The following FNDC3B variants were observed in gnomAD, a reference collection of about 807,000 sequenced individuals.
FNDC3B encodes fibronectin type III domain containing 3B, also known as fibronectin type III domain-containing protein 3B.
FNDC3B carries 12 observed loss-of-function variants against 151.5 expected under a neutral mutation model. The ratio of observed to expected loss-of-function variants is 0.08; its 90% CI spans 0.05 to 0.13. FNDC3B has a LOEUF of 0.13. Ranked by LOEUF, FNDC3B falls within the 10% of genes least tolerant of loss-of-function variation. FNDC3B has a pLI of 1.00. For synonymous variants in FNDC3B, 528 were observed against 549.0 expected (o/e 0.96, Z 0.54); for missense variants, 1,214 against 1,505.3 (o/e 0.81, Z 3.20).
intron 9 of FNDC3B, among the ~76,000 whole-genome samples, chr3:172,299,296 C>T (rs1297079015): frequency 6.6e-6 from 1 of 152,236 alleles, no homozygotes; most frequent in East Asian, 1.9e-4. Flanking sequence ...AACAGTTAAC[C>T]CATGTGGCAT....
At chr3:172,272,721 T>C (rs1560051052) in intron 6 of FNDC3B, among the ~76,000 whole-genome samples, 1 of 152,230 alleles carries the variant, frequency 6.6e-6, no homozygotes, top group African/African-American at 2.4e-5. Context: ...TAGTCTCTTT[T>C]CTCATTTCCT....
At chr3:172,136,812 C>T (rs551193007) in intron 3 of FNDC3B, among the ~76,000 whole-genome samples, 296 of 152,220 alleles carry the variant, frequency 1.9e-3, no homozygotes, top group African/African-American at 6.4e-3. Flanking sequence ...CACCGCCTCC[C>T]GGGTTCAAGC....
rs147952453 is a variant in FNDC3B at position 172,200,738 on chromosome 3, T to C, written c.188-26133T>C. Among the ~76,000 whole-genome samples, 51 of 152,264 alleles carry C rather than the reference T, an allele frequency of 3.3e-4. No homozygotes were observed. In the East Asian group the frequency reaches 9.7e-3, roughly 29 times the overall value. On this transcript the variant is annotated intron_variant, in intron 3 of 25. Transcript: ENST00000415807. ...AACCCCCCTCTTAAGTGGAGGAGCA[T>C]CTGTAATTGTTTTTGTCATTTGAGC... is the stretch of plus-strand genomic sequence containing the variant.
intron 23 of FNDC3B, among the ~76,000 whole-genome samples, chr3:172,371,529 G>A (rs191235485): frequency 7.2e-5 from 11 of 152,286 alleles, no homozygotes; most frequent in Admixed American, 7.2e-4. Context: ...AACAAGTTAT[G>A]GGCAGAGCCA....
At chr3:172,373,073 C>T (rs182184073) in intron 23 of FNDC3B, among the ~76,000 whole-genome samples, 1 of 152,254 alleles carries the variant, frequency 6.6e-6, no homozygotes, top group East Asian at 1.9e-4. Flanking sequence ...TTCTCAGCAG[C>T]CTAGAGCAGG....
intron 3 of FNDC3B, among the ~76,000 whole-genome samples, chr3:172,160,023 G>C (rs993447331): frequency 1.3e-5 from 2 of 152,174 alleles, no homozygotes; most frequent in Non-Finnish European, 2.9e-5. Flanking sequence ...GAAGGTGGGG[G>C]AGGCCGGCAG....
intron 14 of FNDC3B, among the ~76,000 whole-genome samples, chr3:172,333,766 C>T (rs1454166405): frequency 1.3e-5 from 2 of 152,168 alleles, no homozygotes; most frequent in African/African-American, 2.4e-5. Context: ...TGCTGGAGTG[C>T]ACCTGTCACT....
chr3:172,366,756 CT>C (rs1403397068), intron 23 of FNDC3B, among the ~76,000 whole-genome samples: 25 of 152,132 alleles, frequency 1.6e-4, no homozygotes, highest in African/African-American at 5.1e-4. Context: ...ATGAACACTT[CT>C]TAGAAAAGAT....
At chr3:172,160,913 C>T (rs1722734216) in intron 3 of FNDC3B, among the ~76,000 whole-genome samples, 1 of 152,026 alleles carries the variant, frequency 6.6e-6, no homozygotes, top group Admixed American at 6.5e-5. Context: ...TTTTTGTGAA[C>T]TTTCCAATGT....
At chr3:172,209,515 G>A (rs1002353576) in intron 3 of FNDC3B, among the ~76,000 whole-genome samples, 1 of 152,188 alleles carries the variant, frequency 6.6e-6, no homozygotes, top group African/African-American at 2.4e-5. Flanking sequence ...CAGGTGATGA[G>A]TCGCTGAGTC....
intron 1 of FNDC3B, among the ~76,000 whole-genome samples, chr3:172,066,479 C>T (rs1410666880): frequency 6.6e-6 from 1 of 152,104 alleles, no homozygotes; most frequent in Non-Finnish European, 1.5e-5. Context: ...ATAGTTTTGG[C>T]GAAAATGACT....
At chr3:172,389,723 G>C (rs1307564929) in intron 25 of FNDC3B, among the ~76,000 whole-genome samples, 1 of 152,116 alleles carries the variant, frequency 6.6e-6, no homozygotes, top group African/African-American at 2.4e-5. Context: ...AAAAATAGCT[G>C]GGCGTAGTGG....
At chr3:172,314,922 A>G (rs916591068) in intron 11 of FNDC3B, among the ~76,000 whole-genome samples, 4 of 152,220 alleles carry the variant, frequency 2.6e-5, no homozygotes, top group African/African-American at 7.2e-5. Flanking sequence ...TTAATTTTGC[A>G]TCACTGTAGC....
At chr3:172,100,908 A>AT (rs1274946881) in intron 1 of FNDC3B, among the ~76,000 whole-genome samples, 1 of 152,194 alleles carries the variant, frequency 6.6e-6, no homozygotes, top group African/African-American at 2.4e-5. Context: ...GAATCAGATA[A>AT]TTTTTTGAAA....
chr3:172,170,533 C>G (rs939868101), intron 3 of FNDC3B, among the ~76,000 whole-genome samples: 1 of 152,200 alleles, frequency 6.6e-6, no homozygotes, highest in Non-Finnish European at 1.5e-5. Flanking sequence ...CCAATAGGAT[C>G]CCTGGAGCTG....
rs115446032 is a variant in FNDC3B at position 172,259,337 on chromosome 3, G to A, written c.790+7796G>A. On this transcript the variant is annotated intron_variant, in intron 6 of 25. Coordinates refer to ENST00000415807, the MANE Select transcript of FNDC3B (RefSeq NM_022763.4). Reference sequence around the variant, plus strand: ...GGCAGGAAACTGGACAATTAACATCGCCACTTCCATTTCAAGCGTAGGCTG... The same window carrying A: ...GGCAGGAAACTGGACAATTAACATCACCACTTCCATTTCAAGCGTAGGCTG... 7.3e-3 allele frequency among the ~76,000 whole-genome samples: 1,108 copies of A among 152,220 alleles called. 15 individuals carry two copies. Among genetic ancestry groups the A allele is most frequent in the African/African-American group, 0.025 (1,053 of 41,528 alleles).
Position 172,167,886 on chromosome 3 carries a change from C to T in FNDC3B, c.187+34340C>T, listed in dbSNP as rs1352177843. ...GGAACAATTTCATCCCAAAGCCCTG[C>T]CACCGCATCACATCCATGGGACAAA... On this transcript the variant is annotated intron_variant, in intron 3 of 25. Transcript: ENST00000415807. Among the ~76,000 whole-genome samples, 3 of 152,332 alleles carry T rather than the reference C, an allele frequency of 2.0e-5. No homozygotes were observed. The East Asian group carries it at 5.8e-4, about 29-fold the overall frequency.
In FNDC3B at chr3:172,334,992, G is replaced by C; in HGVS notation, c.1690G>C (p.Val564Leu). ...EGKSCPSEVL[V>L]CTTSPDRPGP... ...AAAAAGCTGTCCAAGCGAAGTTCTT[G>C]TTTGTACGACGAGTCCTGACAGGCC... is the stretch of plus-strand genomic sequence containing the variant. Residue 564 changes from valine to leucine, a missense_variant, in exon 15 of 26, where the codon GTT (valine) becomes CTT (leucine). This residue lies in a region of FNDC3B where 380 missense variants were observed against 420.9 expected (regional missense o/e 0.90). Transcript: ENST00000415807. 6.2e-7 allele frequency: 1 copy of C among 1,613,756 alleles called. No homozygotes were observed. Among genetic ancestry groups the C allele is most frequent in the Non-Finnish European group, 8.5e-7 (1 of 1,179,858 alleles).
chr3:172,084,150 G>A (rs997737712), intron 1 of FNDC3B, among the ~76,000 whole-genome samples: 1 of 152,034 alleles, frequency 6.6e-6, no homozygotes, highest in Admixed American at 6.6e-5. Context: ...GGCTTGGGAC[G>A]TTTACAAAGT....
Sources: allele counts gnomAD v4.1 joint callset (sites outside exome capture counted in the v4.1 genomes callset), GRCh38; gene constraint gnomAD v4.1.1; regional missense constraint gnomAD v4.1.1; transcripts MANE v1.5; gene names NCBI Gene and HGNC (gene_info 2026-07-23, HGNC 2026-07-21).